Variants in RAB20 observed in about 807,000 individuals in gnomAD.
RAB20 encodes ras-related protein Rab-20.
A neutral mutation model predicts 3.7 loss-of-function variants in RAB20; 2 were observed. The observed-to-expected ratio is 0.54, with a 90% CI of 0.22 to 1.69. RAB20 has a LOEUF of 1.69. Among genes scored for constraint, RAB20 ranks in the 40% most tolerant of loss-of-function variants. The pLI is 0.19. For synonymous variants in RAB20, 126 were observed against 130.8 expected, an observed-to-expected ratio of 0.96 and a Z score of 0.25; for missense variants, 276 against 311.9, an observed-to-expected ratio of 0.88 and a Z score of 0.87.
chr13:110,558,291 G>C (rs1885072355), intron 1 of RAB20, among the ~76,000 whole-genome samples: 1 of 152,028 alleles, frequency 6.6e-6, no homozygotes. Flanking sequence ...GGAGTGGCAA[G>C]TGCCCCCTAA....
intron 1 of RAB20, among the ~76,000 whole-genome samples, chr13:110,550,321 A>G (rs1247817963): frequency 1.3e-5 from 2 of 152,188 alleles, no homozygotes; most frequent in African/African-American, 2.4e-5. Context: ...TATCCTGTCT[A>G]ATAACTAGTA....
rs1446784703 is a variant in RAB20, at chr13:110,561,401, G to C, written c.119C>G (p.Ala40Gly). ...GGAGCGCCACTGCTTCAGGTAGAAG[G>C]CGCCGCCCACCGTGCTGACCGTGTC... ...FPDTVSTVGG[A>G]FYLKQWRSYN... Residue 40 changes from alanine to glycine, a missense_variant, in exon 1 of 2, where the codon GCC becomes GGC. Physicochemically the swap from Ala to Gly is moderately conservative, Grantham distance 60. Transcript: ENST00000267328. The C allele has an allele frequency of 6.2e-7, 1 of 1,609,816 alleles. No individual in the cohort carries two copies. The highest frequency in any genetic ancestry group is 8.5e-7 in the Non-Finnish European group (1 of 1,178,204).
intron 1 of RAB20, among the ~76,000 whole-genome samples, chr13:110,559,813 T>C (rs1885101626): frequency 6.6e-6 from 1 of 152,228 alleles, no homozygotes; most frequent in Non-Finnish European, 1.5e-5. Context: ...ACGAAACTGC[T>C]GCTTCATTCC....
intron 1 of RAB20, among the ~76,000 whole-genome samples, chr13:110,547,018 G>A (rs931392977): frequency 1.3e-5 from 2 of 152,126 alleles, no homozygotes; most frequent in East Asian, 1.9e-4. Context: ...GGGATTACAG[G>A]CGTGAGTCAC....
intron 1 of RAB20, among the ~76,000 whole-genome samples, chr13:110,548,110 G>A (rs1161853794): frequency 6.6e-6 from 1 of 152,128 alleles, no homozygotes; most frequent in African/African-American, 2.4e-5. Context: ...AAAAATAAAA[G>A]ACACTGTTAT....
intron 1 of RAB20, among the ~76,000 whole-genome samples, chr13:110,556,490 G>A (rs1370244991): frequency 6.6e-6 from 1 of 152,180 alleles, no homozygotes; most frequent in Non-Finnish European, 1.5e-5. Context: ...TGGGACTTCT[G>A]ACCTCCAGAC....
chr13:110,543,900 T>C (rs942124382), intron 1 of RAB20, among the ~76,000 whole-genome samples: 13 of 151,802 alleles, frequency 8.6e-5, no homozygotes, highest in Admixed American at 8.5e-4. Context: ...CTTGGCCTCC[T>C]GAGTAGCAGG....
At chr13:110,559,038 TG>T (rs753080562) in intron 1 of RAB20, among the ~76,000 whole-genome samples, 1 of 152,168 alleles carries the variant, frequency 6.6e-6, no homozygotes, top group Non-Finnish European at 1.5e-5. Flanking sequence ...TCTGGAGGAC[TG>T]TTGTGTCAAT....
chr13:110,540,719 G>A (rs1884742633), intron 1 of RAB20, among the ~76,000 whole-genome samples: 1 of 148,506 alleles, frequency 6.7e-6, no homozygotes, highest in Admixed American at 6.8e-5. Context: ...TCCAGCCTGG[G>A]CAACGAGAGT....
At chr13:110,539,245 T>C (rs1884710259) in intron 1 of RAB20, among the ~76,000 whole-genome samples, 1 of 152,190 alleles carries the variant, frequency 6.6e-6, no homozygotes, top group African/African-American at 2.4e-5. Context: ...TGATTACTTT[T>C]CTAGTCTAGC....
chr13:110,542,351 C>A (rs1256928407), intron 1 of RAB20, among the ~76,000 whole-genome samples: 1 of 152,118 alleles, frequency 6.6e-6, no homozygotes, highest in Non-Finnish European at 1.5e-5. Flanking sequence ...ACCCTCTCAG[C>A]CAATTTCAAG....
chr13:110,531,819 C>A (rs1884545789), intron 1 of RAB20, among the ~76,000 whole-genome samples: 1 of 152,216 alleles, frequency 6.6e-6, no homozygotes, highest in Non-Finnish European at 1.5e-5. Flanking sequence ...TGATGACCTT[C>A]TCCCTGGTCC....
intron 1 of RAB20, among the ~76,000 whole-genome samples, chr13:110,560,870 T>C (rs395865): frequency 0.14 from 20,852 of 151,774 alleles, 4,549 homozygotes; most frequent in African/African-American, 0.46. Context: ...GGCTCCAGTT[T>C]TATTTCCTCT....
chr13:110,524,294 T>G, intron 1 of RAB20, 97 bp from the exon 2 acceptor site: 2 of 1,449,128 alleles, frequency 1.4e-6, no homozygotes, highest in African/African-American at 1.4e-5. Context: ...GGATGTTTAT[T>G]TTTAGGGCAA....
intron 1 of RAB20, among the ~76,000 whole-genome samples, chr13:110,534,402 T>C (rs1884603835): frequency 6.6e-6 from 1 of 152,198 alleles, no homozygotes; most frequent in South Asian, 2.1e-4. Context: ...TCCCCCATTT[T>C]CAGGCTGTCC....
chr13:110,528,067 C>T (rs1884463453), intron 1 of RAB20, among the ~76,000 whole-genome samples: 1 of 152,020 alleles, frequency 6.6e-6, no homozygotes, highest in Admixed American at 6.6e-5. Flanking sequence ...CATGCCACTG[C>T]ACTCCAGCCT....
intron 1 of RAB20, among the ~76,000 whole-genome samples, chr13:110,529,669 G>A (rs779911744): frequency 3.9e-5 from 6 of 152,194 alleles, no homozygotes; most frequent in Admixed American, 2.0e-4. Flanking sequence ...CCAGGCTGCC[G>A]AGCCTGTGTG....
intron 1 of RAB20, among the ~76,000 whole-genome samples, chr13:110,554,557 G>A (rs1885007193): frequency 6.6e-6 from 1 of 152,130 alleles, no homozygotes; most frequent in African/African-American, 2.4e-5. Context: ...CAGCATGCAG[G>A]CCAATCTCTT....
Position 110,561,689 on chromosome 13 carries a change from G to C in RAB20, c.-170C>G, listed in dbSNP as rs557840964. 3.3e-6 allele frequency: 4 copies of C among 1,194,642 alleles called. No homozygotes were observed. Among genetic ancestry groups the C allele is most frequent in the South Asian group, 2.3e-5 (1 of 43,182 alleles). 74.0% of individuals were successfully genotyped at this position (1,194,642 alleles called of 1,614,324 possible). On this transcript the variant is annotated 5_prime_UTR_variant, in exon 1 of 2. Coordinates refer to ENST00000267328, the MANE Select transcript of RAB20 (RefSeq NM_017817.3). ...CCCGGGAGCTCAAGAGAGGAAGCGC[G>C]TGTGCGCGCCCGGGAAGGAGCTGGG... is the stretch of plus-strand genomic sequence containing the variant.
Sources: allele counts gnomAD v4.1 joint callset (sites outside exome capture counted in the v4.1 genomes callset), GRCh38; gene constraint gnomAD v4.1.1; transcripts MANE v1.5; gene names NCBI Gene and HGNC (gene_info 2026-07-23, HGNC 2026-07-21).